MAPK10: variants seen among roughly 807,000 people sequenced by gnomAD.
MAPK10 encodes JNK3 alpha protein kinase.
MAPK10 carries 25 observed loss-of-function variants against 59.3 expected under a neutral mutation model. That is an observed-to-expected ratio of 0.42 (90% CI 0.31 to 0.59). The LOEUF is 0.59. MAPK10 is among the 20% of genes least tolerant of loss of function. The probability of loss-of-function intolerance (pLI) is 0.15; values close to 1 mark genes in which losing one functional copy is unlikely to be tolerated. For synonymous variants in MAPK10, 190 were observed against 200.5 expected (o/e 0.95, Z 0.44); for missense variants, 351 against 568.9 (o/e 0.62, Z 3.90).
chr4:86,483,541 G>A (rs1198722900), intron 1 of MAPK10, among the ~76,000 whole-genome samples: 1 of 151,614 alleles, frequency 6.6e-6, no homozygotes, highest in Non-Finnish European at 1.5e-5. Context: ...CAAACATCAC[G>A]CTATAATTAA....
At chr4:86,333,781 A>T (rs115451375) in intron 2 of MAPK10, among the ~76,000 whole-genome samples, 2,968 of 152,312 alleles carry the variant, frequency 0.019, 82 homozygotes, top group African/African-American at 0.067. Context: ...CTGTAAAATC[A>T]GGGATCACAG....
At chr4:86,089,258 C>A in intron 9 of MAPK10, 8 of 1,612,314 alleles carry the variant, frequency 5.0e-6, no homozygotes, top group African/African-American at 1.3e-5. Context: ...CCATGATGCA[C>A]CCTACTGACC....
intron 9 of MAPK10, among the ~76,000 whole-genome samples, chr4:86,069,066 T>A (rs947846299): frequency 7.9e-5 from 12 of 152,172 alleles, no homozygotes; most frequent in Non-Finnish European, 1.3e-4. Context: ...GTTAAGGGAC[T>A]CTTACCATAA....
chr4:86,547,060 CA>C (rs1019162488), intron 1 of MAPK10, among the ~76,000 whole-genome samples: 4 of 150,870 alleles, frequency 2.7e-5, no homozygotes, highest in African/African-American at 9.7e-5. Flanking sequence ...TAAAAACAAA[CA>C]AAAAAAAAGT....
rs985699580 is a variant in MAPK10 at position 86,011,547 on chromosome 4, C to T, written c.*5681G>A. ...GTCAAAATTACCAAATGTTTGGTAA[C>T]CATTTATGGTATCAGGAATGCACCA... is the stretch of plus-strand genomic sequence containing the variant. On this transcript the variant is annotated 3_prime_UTR_variant, in exon 14 of 14. Coordinates refer to ENST00000641462, the MANE Select transcript of MAPK10 (RefSeq NM_138982.4). 3.3e-5 allele frequency: 5 copies of T among 152,176 alleles called. No individual in the cohort carries two copies. The highest frequency in any genetic ancestry group is 1.9e-4 in the East Asian group (1 of 5,190). The allele number at this position is 152,176 out of a possible 1,614,324, so 9.4% of individuals were successfully genotyped here.
chr4:86,421,706 G>A (rs1042944426), intron 1 of MAPK10, among the ~76,000 whole-genome samples: 1 of 152,162 alleles, frequency 6.6e-6, no homozygotes, highest in African/African-American at 2.4e-5. Context: ...GAATGGCTGT[G>A]GGCAGATCTC....
intron 1 of MAPK10, among the ~76,000 whole-genome samples, chr4:86,402,077 C>G (rs895994730): frequency 2.0e-5 from 3 of 152,118 alleles, no homozygotes; most frequent in Admixed American, 2.0e-4. Flanking sequence ...AAGGTCATAC[C>G]TAAGACTGCT....
chr4:86,344,178 A>G (rs1019840914), intron 2 of MAPK10, among the ~76,000 whole-genome samples: 3 of 152,206 alleles, frequency 2.0e-5, no homozygotes, highest in South Asian at 2.1e-4. Context: ...TCTGTCACCC[A>G]GGCTGGAGTG....
chr4:86,061,612 C>T (rs1034686371), intron 11 of MAPK10, among the ~76,000 whole-genome samples: 7 of 152,096 alleles, frequency 4.6e-5, no homozygotes, highest in East Asian at 3.9e-4. Flanking sequence ...TAAGATAGCT[C>T]GTAGTATAAC....
At chr4:86,032,236 AG>A (rs952964877) in intron 11 of MAPK10, 3 of 152,104 alleles carry the variant, frequency 2.0e-5, no homozygotes, top group African/African-American at 7.2e-5. Flanking sequence ...CCTACTGGAA[AG>A]TGGAATCTCA....
intron 2 of MAPK10, among the ~76,000 whole-genome samples, chr4:86,341,570 T>C (rs980108907): frequency 6.6e-6 from 1 of 152,170 alleles, no homozygotes; most frequent in Non-Finnish European, 1.5e-5. Flanking sequence ...CTTATATTTA[T>C]ATCAGAATTA....
intron 1 of MAPK10, among the ~76,000 whole-genome samples, chr4:86,551,304 T>C (rs1759754272): frequency 6.6e-6 from 1 of 152,196 alleles, no homozygotes; most frequent in Non-Finnish European, 1.5e-5. Flanking sequence ...TTTTAAAATT[T>C]TGTTTTGCTT....
intron 2 of MAPK10, chr4:86,321,869 T>C (rs1473025564): frequency 1.3e-5 from 2 of 152,106 alleles, no homozygotes; most frequent in Admixed American, 6.6e-5. Flanking sequence ...TAAATTTTTT[T>C]TTTTTTAAAC....
chr4:86,558,168 C>T (rs1356724118), intron 1 of MAPK10, among the ~76,000 whole-genome samples: 1 of 151,966 alleles, frequency 6.6e-6, no homozygotes, highest in Admixed American at 6.6e-5. Flanking sequence ...CTTCTATTAG[C>T]CCAGGCTGAA....
At chr4:86,498,549 T>C (rs1182945538) in intron 1 of MAPK10, among the ~76,000 whole-genome samples, 1 of 152,302 alleles carries the variant, frequency 6.6e-6, no homozygotes, top group South Asian at 2.1e-4. Flanking sequence ...CAAAGGAGAC[T>C]AGGATCATTA....
chr4:86,236,885 A>G (rs1207723075), intron 2 of MAPK10, among the ~76,000 whole-genome samples: 1 of 152,188 alleles, frequency 6.6e-6, no homozygotes, highest in African/African-American at 2.4e-5. Context: ...TAAAAAATAA[A>G]AAACGGGGTA....
At chr4:86,244,266 A>T (rs551356253) in intron 2 of MAPK10, among the ~76,000 whole-genome samples, 1 of 152,346 alleles carries the variant, frequency 6.6e-6, no homozygotes, top group African/African-American at 2.4e-5. Context: ...ACTCAAAAAA[A>T]ATCAACCATT....
At chr4:86,103,080 T>TGTGTGC in intron 6 of MAPK10, 106 bp downstream of exon 6, 1 of 650,250 alleles carries the variant, frequency 1.5e-6, no homozygotes, top group Admixed American at 2.2e-5. Context: ...CAACTCTGTG[T>TGTGTGC]GTGTGTGTGT....
At chr4:86,562,154 A>C (rs1760726113) in intron 1 of MAPK10, among the ~76,000 whole-genome samples, 1 of 152,164 alleles carries the variant, frequency 6.6e-6, no homozygotes, top group Non-Finnish European at 1.5e-5. Flanking sequence ...CCCAGCGTTC[A>C]AGACCAGCCT....
Sources: allele counts gnomAD v4.1 joint callset (sites outside exome capture counted in the v4.1 genomes callset), GRCh38; gene constraint gnomAD v4.1.1; transcripts MANE v1.5; gene names NCBI Gene and HGNC (gene_info 2026-07-23, HGNC 2026-07-21).